ARHGAP11B: variants seen among roughly 807,000 people sequenced by gnomAD.
The protein encoded by ARHGAP11B is Rho GTPase activating protein 11B.
ARHGAP11B carries 14 observed loss-of-function variants against 27.6 expected under a neutral mutation model. The ratio of observed to expected loss-of-function variants is 0.51; its 90% CI spans 0.34 to 0.79. The LOEUF is 0.79. ARHGAP11B is among the 30% of genes least tolerant of loss of function. The pLI, the probability that ARHGAP11B is intolerant of heterozygous loss-of-function variation, is 0.02. For synonymous variants in ARHGAP11B, 82 were observed against 114.1 expected (o/e 0.72, Z 1.80); for missense variants, 245 against 320.1 (o/e 0.77, Z 1.79).
At chr15:30,636,179 A>T (rs1325689800) in intron 6 of ARHGAP11B, among the ~76,000 whole-genome samples, 2 of 151,786 alleles carry the variant, frequency 1.3e-5, no homozygotes, top group Non-Finnish European at 2.9e-5. Context: ...GATATGATTT[A>T]AAAATTTTAG....
chr15:30,636,650 C>T (rs886350566), intron 6 of ARHGAP11B, among the ~76,000 whole-genome samples: 6 of 152,112 alleles, frequency 3.9e-5, no homozygotes, highest in African/African-American at 1.2e-4. Flanking sequence ...GTGGCTTAAA[C>T]CAACAGAAAT....
intron 7 of ARHGAP11B, among the ~76,000 whole-genome samples, chr15:30,639,333 TA>T (rs1258762578): frequency 6.6e-6 from 1 of 151,394 alleles, no homozygotes; most frequent in East Asian, 1.9e-4. Context: ...ATTTCTTCCT[TA>T]CATTAATATT....
intron 8 of ARHGAP11B, among the ~76,000 whole-genome samples, chr15:30,645,173 T>C (rs2060339436): frequency 6.6e-6 from 1 of 152,010 alleles, no homozygotes. Context: ...ACATTTCTGT[T>C]GAGCTAATGA....
chr15:30,638,559 G>A (rs1308766560), intron 6 of ARHGAP11B, among the ~76,000 whole-genome samples, 187 bp from the exon 7 acceptor site: 1 of 151,870 alleles, frequency 6.6e-6, no homozygotes, highest in Non-Finnish European at 1.5e-5. Context: ...GGAAGTATAA[G>A]TGGGGAATGG....
chr15:30,647,354 A>G (rs2060356728), intron 9 of ARHGAP11B, among the ~76,000 whole-genome samples: 1 of 151,970 alleles, frequency 6.6e-6, no homozygotes, highest in South Asian at 2.1e-4. Context: ...TTGGCTTGAA[A>G]AAATTTAAGT....
rs1001922156 is a variant in ARHGAP11B at position 30,633,668 on chromosome 15, A to T, written c.297+82A>T. 8 of 1,156,740 alleles carry T rather than the reference A, an allele frequency of 6.9e-6. No individual in the cohort carries two copies. In the South Asian group the frequency reaches 1.3e-4, roughly 19 times the overall value. The allele number at this position is 1,156,740 out of a possible 1,614,324, so 71.7% of individuals were successfully genotyped here. A position where few individuals can be genotyped will look rare whatever the true frequency, so the allele number is the denominator to read the frequency against. The stretch of plus-strand genomic sequence containing the variant: ...TAAAACTGAAATATTTAGAACTATT[A>T]ATATGAATAGTTGACAGAAATTGAA... On this transcript the variant is annotated intron_variant, in intron 3 of 10. Transcript: ENST00000428041.
At chr15:30,643,778 C>T (rs192591799) in intron 7 of ARHGAP11B, among the ~76,000 whole-genome samples, 6 of 152,112 alleles carry the variant, frequency 3.9e-5, no homozygotes, top group Non-Finnish European at 7.4e-5. Flanking sequence ...GCAGTAAATA[C>T]AGTAATGCTG....
intron 6 of ARHGAP11B, among the ~76,000 whole-genome samples, chr15:30,637,258 G>A (rs2060285224): frequency 6.6e-6 from 1 of 151,810 alleles, no homozygotes; most frequent in Admixed American, 6.6e-5. Flanking sequence ...GTTTTGAAAT[G>A]ACCATCTTTA....
chr15:30,632,075 T>G (rs564517907), intron 2 of ARHGAP11B, among the ~76,000 whole-genome samples: 1 of 143,626 alleles, frequency 7.0e-6, no homozygotes, highest in South Asian at 2.3e-4. Flanking sequence ...CGTGAGCCAC[T>G]GTGCTGGCCT....
rs367843325 is a variant in ARHGAP11B at position 30,626,968 on chromosome 15, G to A, written c.129+19G>A. On this transcript the variant is annotated intron_variant, in intron 1 of 10. Coordinates refer to ENST00000428041, the Ensembl canonical transcript of ARHGAP11B. ...AATAGGGGTAAGTTCTGTGAAAAGG[G>A]ATTTAGGTTTAAAAGAAAGGGCACA... 4 of 1,611,576 alleles carry A rather than the reference G, an allele frequency of 2.5e-6. No individual in the cohort carries two copies. Among genetic ancestry groups the A allele is most frequent in the Non-Finnish European group, 2.5e-6 (3 of 1,179,038 alleles).
intron 1 of ARHGAP11B, among the ~76,000 whole-genome samples, chr15:30,628,115 C>T (rs1341390223): frequency 5.4e-5 from 8 of 148,480 alleles, no homozygotes; most frequent in African/African-American, 2.0e-4. Flanking sequence ...GAGTCTCCCT[C>T]TGTCGCCCAG....
intron 9 of ARHGAP11B, among the ~76,000 whole-genome samples, chr15:30,646,949 A>G (rs900950278): frequency 2.6e-5 from 4 of 151,986 alleles, no homozygotes; most frequent in African/African-American, 9.7e-5. Flanking sequence ...AGCCTGGGCA[A>G]AAAGAGCGAA....
In ARHGAP11B at chr15:30,639,722, T is replaced by C. The variant is rs537422820; in HGVS notation, c.*78+902T>C. Among the ~76,000 whole-genome samples, 3 of 152,166 alleles carry C rather than the reference T, an allele frequency of 2.0e-5. No individual in the cohort carries two copies. The East Asian group carries it at 5.8e-4, about 30-fold the overall frequency. On this transcript the variant is annotated intron_variant, in intron 7 of 10. Transcript: ENST00000428041. ...TTCTCAAGTAAGAAAAGGAAGTCCA[T>C]CAAGCACAATTTTAACTTTGAGCTG...
At chr15:30,631,060 C>T (rs1209197076) in intron 2 of ARHGAP11B, among the ~76,000 whole-genome samples, 1 of 151,472 alleles carries the variant, frequency 6.6e-6, no homozygotes, top group Non-Finnish European at 1.5e-5. Context: ...GTAAGCATTT[C>T]AAACTGGTTT....
chr15:30,647,366 C>T (rs941000169), intron 9 of ARHGAP11B, among the ~76,000 whole-genome samples: 3 of 151,782 alleles, frequency 2.0e-5, no homozygotes. Flanking sequence ...AATTTAAGTT[C>T]ATTTGCTCCC....
intron 1 of ARHGAP11B, among the ~76,000 whole-genome samples, chr15:30,627,694 G>C (rs12913175): frequency 1.3e-4 from 20 of 152,060 alleles, no homozygotes; most frequent in East Asian, 9.7e-4. Flanking sequence ...ATCAGGAATT[G>C]CATTGTGAAA....
At chr15:30,640,224 A>G (rs2060307400) in intron 7 of ARHGAP11B, among the ~76,000 whole-genome samples, 1 of 128,608 alleles carries the variant, frequency 7.8e-6, no homozygotes, top group Non-Finnish European at 1.6e-5. Context: ...GAGCGTTACT[A>G]TTGCAGGTTA....
chr15:30,627,117 T>G (rs1443473755), intron 1 of ARHGAP11B, among the ~76,000 whole-genome samples, 168 bp downstream of exon 1: 5 of 142,874 alleles, frequency 3.5e-5, no homozygotes, highest in Non-Finnish European at 7.5e-5. Flanking sequence ...GACATTCTTG[T>G]TTTTTTTTTC....
chr15:30,635,019 A>G lies in ARHGAP11B; in HGVS notation c.552-61A>G. ...GTCTTCAAAATGTACTACATACGTT[A>G]TTTTAACTCTTCTGTATTTTCACGT... On this transcript the variant is annotated intron_variant, in intron 4 of 10. Coordinates refer to ENST00000428041, the Ensembl canonical transcript of ARHGAP11B. The G allele has an allele frequency of 1.9e-6, 3 of 1,548,570 alleles. No individual in the cohort carries two copies. In the South Asian group the frequency reaches 3.3e-5, roughly 17 times the overall value.
Sources: allele counts gnomAD v4.1 joint callset (sites outside exome capture counted in the v4.1 genomes callset), GRCh38; gene constraint gnomAD v4.1.1; transcripts MANE v1.5; gene names NCBI Gene and HGNC (gene_info 2026-07-23, HGNC 2026-07-21).